Variants in PAX3 observed in about 807,000 individuals in gnomAD.
PAX3 encodes paired box 3, also known as paired box protein Pax-3.
PAX3 carries 14 observed loss-of-function variants against 51.6 expected under a neutral mutation model. That is an observed-to-expected ratio of 0.27 (90% confidence interval 0.18 to 0.42). PAX3 has a LOEUF of 0.42. Among genes scored for constraint, PAX3 ranks in the 10% least tolerant of loss-of-function variants. The pLI, the probability that PAX3 is intolerant of heterozygous loss-of-function variation, is 1.00. For missense variants in PAX3, 540 were observed against 642.8 expected (o/e 0.84, Z 1.73); for synonymous variants, 280 against 253.4 (o/e 1.11, Z -1.00).
At chr2:222,230,808 T>C (rs1430646) in intron 5 of PAX3, among the ~76,000 whole-genome samples, 22,176 of 148,404 alleles carry the variant, frequency 0.15, 2,166 homozygotes, top group South Asian at 0.28. Flanking sequence ...TGAGCTGAGG[T>C]TGTACCACTG....
chr2:222,254,101 G>GT (rs61071392), intron 4 of PAX3, among the ~76,000 whole-genome samples: 17,571 of 151,636 alleles, frequency 0.12, 1,238 homozygotes, highest in East Asian at 0.32. Context: ...CAAATGACAA[G>GT]TTTTTTTTTA....
intron 5 of PAX3, among the ~76,000 whole-genome samples, chr2:222,231,181 G>A (rs1444376302): frequency 6.6e-6 from 1 of 152,138 alleles, no homozygotes; most frequent in Non-Finnish European, 1.5e-5. Context: ...TCAATCTAGG[G>A]ACCATGTCAA....
intron 4 of PAX3, among the ~76,000 whole-genome samples, chr2:222,249,262 T>G (rs1458265699): frequency 6.6e-6 from 1 of 152,186 alleles, no homozygotes; most frequent in African/African-American, 2.4e-5. Flanking sequence ...ATGAAGTCAT[T>G]TTCTCTGATC....
chr2:222,242,777 T>C (rs1168689866), intron 4 of PAX3: 1 of 152,210 alleles, frequency 6.6e-6, no homozygotes, highest in African/African-American at 2.4e-5. Flanking sequence ...TCTGTACAGT[T>C]ACCAAGAAAG....
intron 7 of PAX3, among the ~76,000 whole-genome samples, chr2:222,213,560 C>G (rs1691834251): frequency 1.3e-5 from 2 of 152,120 alleles, no homozygotes; most frequent in Non-Finnish European, 2.9e-5. Context: ...AGAAAAGAAA[C>G]AGAAAGAGGC....
intron 7 of PAX3, among the ~76,000 whole-genome samples, chr2:222,209,696 C>CAAAAAAAAAAAAAAAAAAAAAA (rs546468709): frequency 4.9e-5 from 3 of 61,348 alleles, no homozygotes; most frequent in African/African-American, 6.6e-5. Flanking sequence ...TCTGTCTCTA[C>CAAAAAAAAAAAAAAAAAAAAAA]AAAAAAAAAA....
chr2:222,203,599 C>T (rs1447341613), intron 7 of PAX3, among the ~76,000 whole-genome samples: 3 of 152,188 alleles, frequency 2.0e-5, no homozygotes, highest in South Asian at 2.1e-4. Context: ...AATAGAACCT[C>T]GGATCTAGGA....
chr2:222,229,744 T>C (rs1354780361), intron 5 of PAX3, among the ~76,000 whole-genome samples: 1 of 152,164 alleles, frequency 6.6e-6, no homozygotes, highest in African/African-American at 2.4e-5. Context: ...CCAATATGAC[T>C]AGAGTGAAAA....
At chr2:222,229,234 T>A (rs916432951) in intron 5 of PAX3, among the ~76,000 whole-genome samples, 35 of 150,326 alleles carry the variant, frequency 2.3e-4, no homozygotes, top group African/African-American at 8.5e-4. Flanking sequence ...CATGTTAATA[T>A]CATAACATTG....
chr2:222,288,656 C>A (rs769760034), intron 4 of PAX3, among the ~76,000 whole-genome samples: 15 of 152,124 alleles, frequency 9.9e-5, no homozygotes, highest in South Asian at 2.1e-4. Context: ...TCTGCCACAC[C>A]CCCCCAAAAT....
chr2:222,281,323 G>C (rs554535541), intron 4 of PAX3, among the ~76,000 whole-genome samples: 1 of 152,150 alleles, frequency 6.6e-6, no homozygotes, highest in Non-Finnish European at 1.5e-5. Flanking sequence ...TGGGAATCAC[G>C]AAACGGAAAA....
chr2:222,246,999 T>G (rs1462539568), intron 4 of PAX3, among the ~76,000 whole-genome samples: 2 of 152,234 alleles, frequency 1.3e-5, no homozygotes, highest in Non-Finnish European at 2.9e-5. Context: ...TCATTGTCTT[T>G]GTATAACTCA....
At chr2:222,217,317 TA>T (rs1023989517) in intron 7 of PAX3, among the ~76,000 whole-genome samples, 1 of 152,176 alleles carries the variant, frequency 6.6e-6, no homozygotes, top group African/African-American at 2.4e-5. Flanking sequence ...AGAAAAGTTT[TA>T]AAAAACTAGT....
chr2:222,205,562 A>G (rs1278349378), intron 7 of PAX3, among the ~76,000 whole-genome samples: 1 of 152,200 alleles, frequency 6.6e-6, no homozygotes, highest in Non-Finnish European at 1.5e-5. Flanking sequence ...AGAATCTTAA[A>G]AGGATGGGGA....
At chr2:222,242,148 T>C (rs1178543748) in intron 4 of PAX3, among the ~76,000 whole-genome samples, 1 of 152,176 alleles carries the variant, frequency 6.6e-6, no homozygotes, top group East Asian at 1.9e-4. Flanking sequence ...ATGAGGGGAT[T>C]TCGCTTATGT....
intron 7 of PAX3, among the ~76,000 whole-genome samples, chr2:222,203,012 CATATATAT>C (rs71053057): frequency 0.016 from 656 of 41,126 alleles, 11 homozygotes; most frequent in African/African-American, 0.021. Context: ...ACAACCATTT[CATATATAT>C]ATATATATAT....
chr2:222,285,859 T>C (rs1194587618), intron 4 of PAX3, among the ~76,000 whole-genome samples: 1 of 152,192 alleles, frequency 6.6e-6, no homozygotes, highest in Non-Finnish European at 1.5e-5. Context: ...ATGCTGAAAA[T>C]CAGTGGTATT....
intron 4 of PAX3, among the ~76,000 whole-genome samples, chr2:222,277,206 A>C (rs1694451049): frequency 6.6e-6 from 1 of 152,110 alleles, no homozygotes; most frequent in African/African-American, 2.4e-5. Flanking sequence ...AATGACACAG[A>C]GATGTTTTTA....
intron 4 of PAX3, among the ~76,000 whole-genome samples, chr2:222,255,900 G>A (rs547654202): frequency 1.2e-4 from 17 of 142,682 alleles, no homozygotes; most frequent in Admixed American, 8.6e-4. Flanking sequence ...ACAGGTGCAC[G>A]CCACTACGCC....
Sources: gnomAD v4.1 joint callset for allele counts (sites outside exome capture counted in the v4.1 genomes callset) on GRCh38, gnomAD v4.1.1 for gene constraint, MANE v1.5 for transcripts, NCBI Gene and HGNC (gene_info 2026-07-23, HGNC 2026-07-21) for gene names.